LSM14A: variants seen among roughly 807,000 people sequenced by gnomAD.
LSM14A encodes protein LSM14 homolog A.
A neutral mutation model predicts 52.4 loss-of-function variants in LSM14A; 14 were observed. That is an observed-to-expected ratio of 0.27 (90% CI 0.18 to 0.42). The LOEUF (loss-of-function observed/expected upper bound fraction) is 0.42. LSM14A is among the 10% of genes least tolerant of loss of function. LSM14A has a pLI of 1.00. For synonymous variants in LSM14A, 185 were observed against 200.3 expected (o/e 0.92, Z 0.64); for missense variants, 417 against 581.8 (o/e 0.72, Z 2.91).
chr19:34,181,824 T>C (rs934708342), intron 1 of LSM14A, among the ~76,000 whole-genome samples: 1 of 152,168 alleles, frequency 6.6e-6, no homozygotes, highest in Non-Finnish European at 1.5e-5. Flanking sequence ...TCCTCTGAAC[T>C]CCTGACTTGT....
rs1351774212 is a variant in LSM14A, at chr19:34,172,783, A to C, written c.121+20A>C. The C allele has an allele frequency of 2.6e-6, 4 of 1,562,768 alleles. No individual in the cohort carries two copies. The highest frequency in any genetic ancestry group is 3.5e-6 in the Non-Finnish European group (4 of 1,157,068). Reference sequence around the variant, plus strand: ...CCAAAGGTACGCGGGACCGGGCCTCAGGGTGGGGGCCGAGCCGGGCGCCGC... The same window carrying C: ...CCAAAGGTACGCGGGACCGGGCCTCCGGGTGGGGGCCGAGCCGGGCGCCGC... On this transcript the variant is annotated intron_variant, in intron 1 of 9. Transcript: ENST00000544216.
At chr19:34,192,278 G>A (rs1300259739) in intron 1 of LSM14A, among the ~76,000 whole-genome samples, 2 of 143,932 alleles carry the variant, frequency 1.4e-5, no homozygotes, top group African/African-American at 5.1e-5. Flanking sequence ...TAGAATAAGA[G>A]TGTAGGACAT....
intron 1 of LSM14A, among the ~76,000 whole-genome samples, chr19:34,180,934 A>T (rs2069436651): frequency 6.6e-6 from 1 of 152,020 alleles, no homozygotes; most frequent in African/African-American, 2.4e-5. Flanking sequence ...CATTTTCCTC[A>T]AGCCTCCAAC....
intron 3 of LSM14A, among the ~76,000 whole-genome samples, chr19:34,197,818 T>C (rs982474964): frequency 1.3e-5 from 2 of 152,204 alleles, no homozygotes; most frequent in Non-Finnish European, 2.9e-5. Flanking sequence ...GATTGAGGGC[T>C]TGGTGTTTTG....
intron 1 of LSM14A, among the ~76,000 whole-genome samples, chr19:34,193,186 G>A (rs760729794): frequency 9.2e-5 from 14 of 151,978 alleles, no homozygotes; most frequent in Non-Finnish European, 1.6e-4. Flanking sequence ...TTTGAAATAG[G>A]GTCTTGCTGT....
At chr19:34,179,820 T>C (rs640466) in intron 1 of LSM14A, among the ~76,000 whole-genome samples, 53,185 of 152,142 alleles carry the variant, frequency 0.35, 9,758 homozygotes, top group African/African-American at 0.4. Flanking sequence ...AATTTAATTA[T>C]TCCGTGCTAG....
chr19:34,192,319 G>GTTGTTGTTTTTTTTT (rs60512063), intron 1 of LSM14A, among the ~76,000 whole-genome samples: 2 of 53,410 alleles, frequency 3.7e-5, no homozygotes, highest in African/African-American at 8.1e-5. Context: ...TCTTTTTGTT[G>GTTGTTGTTTTTTTTT]TTTTTTTTTT....
At chr19:34,190,653 C>A (rs1490727182) in intron 1 of LSM14A, among the ~76,000 whole-genome samples, 1 of 151,618 alleles carries the variant, frequency 6.6e-6, no homozygotes. Context: ...ATTTTAATCT[C>A]CCAATTTTTG....
At chr19:34,195,570 G>A (rs1324798389) in intron 2 of LSM14A, among the ~76,000 whole-genome samples, 1 of 152,160 alleles carries the variant, frequency 6.6e-6, no homozygotes, top group African/African-American at 2.4e-5. Flanking sequence ...TTTTTAATAA[G>A]GAATTGTAAA....
chr19:34,213,142 C>A (rs1258059362), intron 4 of LSM14A, among the ~76,000 whole-genome samples: 1 of 147,658 alleles, frequency 6.8e-6, no homozygotes, highest in Non-Finnish European at 1.5e-5. Flanking sequence ...CAGAACAAGA[C>A]CCTATCCTGT....
At chr19:34,219,272 A>T (rs2072894911) in intron 6 of LSM14A, 119 bp from the exon 7 acceptor site, 1 of 551,992 alleles carries the variant, frequency 1.8e-6, no homozygotes, top group Non-Finnish European at 3.2e-6. Flanking sequence ...AAATATATAG[A>T]GAGACCTGTA....
chr19:34,202,126 GTTTTT>G (rs113903997), intron 3 of LSM14A, among the ~76,000 whole-genome samples: 1 of 119,564 alleles, frequency 8.4e-6, no homozygotes, highest in Non-Finnish European at 1.7e-5. Flanking sequence ...TTTTTAGTAA[GTTTTT>G]TTTTTTTTTT....
chr19:34,173,833 G>A (rs899221230), intron 1 of LSM14A, among the ~76,000 whole-genome samples: 1 of 150,660 alleles, frequency 6.6e-6, no homozygotes, highest in Admixed American at 6.7e-5. Flanking sequence ...TAAAGAAGAA[G>A]ATTTTCGAAA....
intron 6 of LSM14A, 69 bp downstream of exon 6, chr19:34,215,730 C>G: frequency 9.2e-7 from 1 of 1,083,552 alleles, no homozygotes; most frequent in Non-Finnish European, 1.4e-6. Flanking sequence ...ATATATGATA[C>G]ATAATTACTA....
chr19:34,177,741 T>C (rs2069179492), intron 1 of LSM14A, among the ~76,000 whole-genome samples: 1 of 152,082 alleles, frequency 6.6e-6, no homozygotes, highest in Non-Finnish European at 1.5e-5. Flanking sequence ...TTTTAAAAAG[T>C]GCATTAGCCA....
intron 1 of LSM14A, among the ~76,000 whole-genome samples, chr19:34,182,207 T>G (rs1378373969): frequency 1.3e-5 from 2 of 152,232 alleles, no homozygotes. Flanking sequence ...TGAATCTTTG[T>G]AATTAAAAAA....
rs375811278 is a variant in LSM14A at position 34,208,893 on chromosome 19, T to A, written c.416-36T>A. 215 of 1,471,162 alleles carry A rather than the reference T, an allele frequency of 1.5e-4. No homozygotes were observed. The Middle Eastern group carries it at 1.9e-3, about 13-fold the overall frequency. The allele number at this position is 1,471,162 out of a possible 1,614,324, so 91.1% of individuals were successfully genotyped here. A position where few individuals can be genotyped will look rare whatever the true frequency, so the allele number is the denominator to read the frequency against. Reference sequence around the variant, plus strand: ...TCATTGAATAATGTCAAACATTTTTTAAAATTTTTTTATCATTTAAAAACA... The same window carrying A: ...TCATTGAATAATGTCAAACATTTTTAAAAATTTTTTTATCATTTAAAAACA... On this transcript the variant is annotated intron_variant, in intron 3 of 9. Transcript: ENST00000544216.
chr19:34,203,701 G>A (rs982220469), intron 3 of LSM14A, among the ~76,000 whole-genome samples: 2 of 151,598 alleles, frequency 1.3e-5, no homozygotes, highest in African/African-American at 2.4e-5. Flanking sequence ...TACTCAGGAG[G>A]CTGAGGCAGG....
intron 1 of LSM14A, among the ~76,000 whole-genome samples, chr19:34,194,203 C>A (rs1396888992): frequency 1.3e-5 from 2 of 152,086 alleles, no homozygotes; most frequent in East Asian, 3.9e-4. Flanking sequence ...CATTTTAACA[C>A]CCCACTACAA....
Sources: allele counts gnomAD v4.1 joint callset (sites outside exome capture counted in the v4.1 genomes callset), GRCh38; gene constraint gnomAD v4.1.1; transcripts MANE v1.5; gene names NCBI Gene and HGNC (gene_info 2026-07-23, HGNC 2026-07-21).